The following SPON1 variants were observed in gnomAD, a reference collection of about 807,000 sequenced individuals.
The protein encoded by SPON1 is spondin 1.
In SPON1, 52 loss-of-function variants were observed where a neutral mutation model predicts 111.7. That is an observed-to-expected ratio of 0.47 (90% CI 0.37 to 0.59). The LOEUF is 0.59. Ranked by LOEUF, SPON1 falls within the 20% of genes least tolerant of loss-of-function variation. The pLI is 0.00. For missense variants in SPON1, 957 were observed against 1,068.5 expected (o/e 0.90, Z 1.46); for synonymous variants, 410 against 395.8 (o/e 1.04, Z -0.43).
chr11:14,197,406 T>C (rs1201624135), intron 6 of SPON1, among the ~76,000 whole-genome samples: 1 of 151,966 alleles, frequency 6.6e-6, no homozygotes, highest in Non-Finnish European at 1.5e-5. Flanking sequence ...TCAGAAGTAT[T>C]GACTGCAGCA....
At chr11:14,227,735 C>T (rs2133910058) in intron 6 of SPON1, among the ~76,000 whole-genome samples, 1 of 152,294 alleles carries the variant, frequency 6.6e-6, no homozygotes, top group Non-Finnish European at 1.5e-5. Flanking sequence ...CCCATTTTAC[C>T]AATGAGAAAA....
intron 6 of SPON1, among the ~76,000 whole-genome samples, chr11:14,183,312 A>C (rs1033230910): frequency 2.6e-5 from 4 of 152,214 alleles, no homozygotes; most frequent in Non-Finnish European, 5.9e-5. Flanking sequence ...CTTGCAGAAG[A>C]AGCCAAAGAA....
rs550509491 is a variant in SPON1, at chr11:14,165,545, A to C, written c.825+29977A>C. Reference sequence around the variant, plus strand: ...CTACAGTGTTTAAAGTGACCAGCCTACTATAAGGTAAATAACGAGTCCGAG... The same window carrying C: ...CTACAGTGTTTAAAGTGACCAGCCTCCTATAAGGTAAATAACGAGTCCGAG... On this transcript the variant is annotated intron_variant, in intron 6 of 15. Coordinates refer to ENST00000576479, the MANE Select transcript of SPON1 (RefSeq NM_006108.4). Among the ~76,000 whole-genome samples, 191 of 152,312 alleles carry C rather than the reference A, an allele frequency of 1.3e-3. 2 individuals carry two copies. The South Asian group carries it at 0.021, about 17-fold the overall frequency.
chr11:14,118,879 A>T (rs959441847), intron 5 of SPON1, among the ~76,000 whole-genome samples: 1 of 152,190 alleles, frequency 6.6e-6, no homozygotes, highest in African/African-American at 2.4e-5. Flanking sequence ...TAACATGGGG[A>T]TGGTAACTGA....
In SPON1 at chr11:13,996,698, C is replaced by T. The variant is rs528713579; in HGVS notation, c.345+13745C>T. On this transcript the variant is annotated intron_variant, in intron 2 of 15. Coordinates refer to ENST00000576479, the MANE Select transcript of SPON1 (RefSeq NM_006108.4). The stretch of plus-strand genomic sequence containing the variant: ...TCCAGGTTATATATTATATAGAAAA[C>T]ACACCTATGTGTGTATATATATATA... Among the ~76,000 whole-genome samples, 3 of 148,496 alleles carry T rather than the reference C, an allele frequency of 2.0e-5. No individual in the cohort carries two copies. In the South Asian group the frequency reaches 6.2e-4, roughly 31 times the overall value.
At chr11:14,120,691 C>G (rs1849298300) in intron 5 of SPON1, among the ~76,000 whole-genome samples, 1 of 152,018 alleles carries the variant, frequency 6.6e-6, no homozygotes, top group African/African-American at 2.4e-5. Flanking sequence ...CTGTGCATGT[C>G]CTGGTTTGCT....
At chr11:14,008,043 G>A (rs113533992) in intron 2 of SPON1, among the ~76,000 whole-genome samples, 31 of 152,066 alleles carry the variant, frequency 2.0e-4, no homozygotes, top group African/African-American at 7.2e-4. Context: ...ACACTTTCTG[G>A]GGATTAGAAG....
chr11:14,178,045 A>AACACACACACACAC (rs5789825), intron 6 of SPON1, among the ~76,000 whole-genome samples: 4,869 of 142,622 alleles, frequency 0.034, 134 homozygotes, highest in African/African-American at 0.053. Context: ...CACACACACA[A>AACACACACACACAC]ACACACACAC....
At chr11:14,116,432 C>A (rs1554926012) in intron 5 of SPON1, among the ~76,000 whole-genome samples, 1 of 152,036 alleles carries the variant, frequency 6.6e-6, no homozygotes, top group African/African-American at 2.4e-5. Context: ...AGGTAGGAGT[C>A]AATAGTCTTT....
At chr11:14,147,618 T>G (rs1234068945) in intron 6 of SPON1, among the ~76,000 whole-genome samples, 1 of 151,996 alleles carries the variant, frequency 6.6e-6, no homozygotes, top group Non-Finnish European at 1.5e-5. Context: ...GCTTTCACCA[T>G]GTTGGCCAGG....
At chr11:14,212,847 C>T (rs1206839117) in intron 6 of SPON1, among the ~76,000 whole-genome samples, 1 of 152,172 alleles carries the variant, frequency 6.6e-6, no homozygotes, top group African/African-American at 2.4e-5. Context: ...AGTACCAACT[C>T]TGATAATCGA....
intron 6 of SPON1, among the ~76,000 whole-genome samples, chr11:14,155,734 A>C (rs1847838180): frequency 1.5e-5 from 2 of 137,318 alleles, no homozygotes; most frequent in South Asian, 4.9e-4. Context: ...CCCACCTATG[A>C]GTGAGAATAT....
chr11:14,064,594 C>G (rs561354434), intron 3 of SPON1, among the ~76,000 whole-genome samples: 14 of 152,184 alleles, frequency 9.2e-5, no homozygotes, highest in Non-Finnish European at 1.0e-4. Flanking sequence ...AACCTGTAAG[C>G]GAGAGAGGAG....
intron 7 of SPON1, among the ~76,000 whole-genome samples, chr11:14,248,732 G>A (rs945675413): frequency 9.2e-5 from 14 of 152,172 alleles, no homozygotes; most frequent in East Asian, 3.9e-4. Context: ...AGCCTCCCTC[G>A]CCGCCCAGTG....
At chr11:14,265,135 CTCA>C (rs1463297796) in intron 15 of SPON1, among the ~76,000 whole-genome samples, 30 of 152,130 alleles carry the variant, frequency 2.0e-4, no homozygotes, top group Admixed American at 2.0e-3. Flanking sequence ...TATCTGGGGC[CTCA>C]TGAGATGGCT....
chr11:14,077,894 C>G (rs1320485269), intron 4 of SPON1, among the ~76,000 whole-genome samples: 2 of 148,436 alleles, frequency 1.3e-5, no homozygotes, highest in Non-Finnish European at 3.0e-5. Context: ...TCAACAGAAA[C>G]AGGATAATGA....
intron 1 of SPON1, among the ~76,000 whole-genome samples, chr11:13,973,531 A>C (rs958438995): frequency 2.6e-5 from 4 of 152,340 alleles, no homozygotes; most frequent in Non-Finnish European, 2.9e-5. Flanking sequence ...GAGGTCACAC[A>C]ATGGGGAAAG....
At chr11:14,121,100 A>G (rs1554926464) in intron 5 of SPON1, among the ~76,000 whole-genome samples, 2 of 152,240 alleles carry the variant, frequency 1.3e-5, no homozygotes, top group Non-Finnish European at 2.9e-5. Flanking sequence ...GAGACCACTT[A>G]TATCTTGGAA....
intron 15 of SPON1, 44 bp downstream of exon 15, chr11:14,263,019 AGGGTTCTGCACTGGGCT>A: frequency 6.5e-7 from 1 of 1,547,674 alleles, no homozygotes. Context: ...CAGGACAGGC[AGGGTTCTGCACTGGGCT>A]AAGTCTTGGA....
Sources: gnomAD v4.1 joint callset for allele counts (sites outside exome capture counted in the v4.1 genomes callset) on GRCh38, gnomAD v4.1.1 for gene constraint, MANE v1.5 for transcripts, NCBI Gene and HGNC (gene_info 2026-07-23, HGNC 2026-07-21) for gene names.